Variants in COL14A1 observed in about 807,000 individuals in gnomAD.
COL14A1 encodes the protein collagen alpha-1(XIV) chain.
In COL14A1, 136 loss-of-function variants were observed where a neutral mutation model predicts 230.3. That is an observed-to-expected ratio of 0.59 (90% CI 0.51 to 0.68). COL14A1 has a LOEUF of 0.68. Ranked by LOEUF, COL14A1 falls within the 30% of genes least tolerant of loss-of-function variation. COL14A1 has a pLI of 0.00. For synonymous variants in COL14A1, 792 were observed against 784.1 expected (o/e 1.01, Z -0.17); for missense variants, 1,976 against 2,215.8 (o/e 0.89, Z 2.17).
At chr8:120,194,035 G>A (rs1029183832) in intron 5 of COL14A1, among the ~76,000 whole-genome samples, 13 of 152,130 alleles carry the variant, frequency 8.5e-5, no homozygotes, top group South Asian at 4.1e-4. Flanking sequence ...GCTTCGGCTC[G>A]CGCACGGTGC....
intron 9 of COL14A1, among the ~76,000 whole-genome samples, chr8:120,204,608 A>G (rs952940691): frequency 2.8e-4 from 43 of 152,248 alleles, no homozygotes; most frequent in African/African-American, 7.2e-4. Context: ...GCCTTTGGCT[A>G]TGATGAATCA....
chr8:120,192,666 G>A (rs185917926), intron 5 of COL14A1, among the ~76,000 whole-genome samples: 127 of 152,098 alleles, frequency 8.3e-4, no homozygotes, highest in Middle Eastern at 3.4e-3. Flanking sequence ...CATTCTCCCC[G>A]TCACTTTCAG....
At chr8:120,142,879 G>A (rs564465185) in intron 1 of COL14A1, among the ~76,000 whole-genome samples, 8 of 152,092 alleles carry the variant, frequency 5.3e-5, no homozygotes, top group Non-Finnish European at 1.0e-4. Flanking sequence ...ATGGTTGCTT[G>A]AAGGAAATAT....
chr8:120,227,057 AG>A (rs1307879623), intron 16 of COL14A1, among the ~76,000 whole-genome samples, 162 bp from the exon 17 acceptor site: 1 of 152,160 alleles, frequency 6.6e-6, no homozygotes, highest in Non-Finnish European at 1.5e-5. Flanking sequence ...TTATTTGCTG[AG>A]GGGATTGAAA....
At chr8:120,183,828 A>C (rs890765157) in intron 5 of COL14A1, among the ~76,000 whole-genome samples, 1 of 152,134 alleles carries the variant, frequency 6.6e-6, no homozygotes, top group African/African-American at 2.4e-5. Flanking sequence ...AGGCTTGTCC[A>C]TATTTTCTTT....
intron 42 of COL14A1, among the ~76,000 whole-genome samples, chr8:120,334,585 A>ACAC (rs113923173): frequency 0.018 from 2,596 of 144,698 alleles, 47 homozygotes; most frequent in African/African-American, 0.041. Flanking sequence ...CACACACAAA[A>ACAC]ACACACACAC....
intron 2 of COL14A1, 73 bp downstream of exon 2, chr8:120,148,003 A>T (rs1266105277): frequency 9.2e-7 from 1 of 1,092,344 alleles, no homozygotes; most frequent in African/African-American, 1.6e-5. Flanking sequence ...ATTTTATTTT[A>T]TTTATCCTAA....
chr8:120,320,237 A>G (rs1489442235), intron 40 of COL14A1, among the ~76,000 whole-genome samples: 4 of 152,208 alleles, frequency 2.6e-5, no homozygotes, highest in Non-Finnish European at 5.9e-5. Flanking sequence ...TAAAAATGTG[A>G]TTTTAGCTAA....
rs201573026 is a variant in COL14A1 at position 120,229,118 on chromosome 8, A to C, written c.2197+349A>C. Among the ~76,000 whole-genome samples the C allele has an allele frequency of 1.3e-4, 7 of 52,182 alleles. No homozygotes were observed. In the Admixed American group the frequency reaches 1.6e-3, roughly 12 times the overall value. The allele number at this position is 52,182 out of a possible 152,430, so 34.2% of individuals were successfully genotyped here. A position where few individuals can be genotyped will look rare whatever the true frequency, so the allele number is the denominator to read the frequency against. On this transcript the variant is annotated intron_variant, in intron 18 of 47. Coordinates refer to ENST00000297848, the MANE Select transcript of COL14A1 (RefSeq NM_021110.4). Reference sequence around the variant, plus strand: ...TATTTTATTTTATTTTATTTTATTTATTATTATTATACTTTAAGTTTTAGG... The same window carrying C: ...TATTTTATTTTATTTTATTTTATTTCTTATTATTATACTTTAAGTTTTAGG...
intron 45 of COL14A1, among the ~76,000 whole-genome samples, chr8:120,349,173 G>A (rs988204364): frequency 2.4e-4 from 37 of 152,070 alleles, no homozygotes; most frequent in African/African-American, 8.2e-4. Context: ...GCAGCTGAGG[G>A]TCCTGTCTGT....
Position 120,300,785 on chromosome 8 carries a change from C to T in COL14A1, c.4368C>T (p.Thr1456=). 1.9e-6 allele frequency: 3 copies of T among 1,613,594 alleles called. No homozygotes were observed. The highest frequency in any genetic ancestry group is 2.5e-6 in the Non-Finnish European group (3 of 1,179,684). The change falls in exon 36 of 48, where the codon ACC becomes ACT. Residue 1456 remains threonine (T), a synonymous_variant. Transcript: ENST00000297848. Reference sequence around the variant, plus strand: ...CCCATTCCTGCTCCTGTTCTGAAACCAATGAAGTGGCTCTGGGACCAGCGG... The same window carrying T: ...CCCATTCCTGCTCCTGTTCTGAAACTAATGAAGTGGCTCTGGGACCAGCGG... ...DLPHSCSCSE[T]NEVALGPAGP...
intron 5 of COL14A1, among the ~76,000 whole-genome samples, chr8:120,184,224 GATTT>G (rs10689956): frequency 0.075 from 10,163 of 135,494 alleles, 478 homozygotes; most frequent in African/African-American, 0.13. Flanking sequence ...GGGGGGAAGA[GATTT>G]ATTTATTTAT....
intron 3 of COL14A1, among the ~76,000 whole-genome samples, chr8:120,161,349 G>A (rs983476660): frequency 1.3e-5 from 2 of 152,112 alleles, no homozygotes; most frequent in East Asian, 3.8e-4. Context: ...ATAATTGCAG[G>A]CAAAAATTAG....
chr8:120,341,018 T>C (rs1169963233), intron 42 of COL14A1, among the ~76,000 whole-genome samples: 1 of 152,126 alleles, frequency 6.6e-6, no homozygotes, highest in Non-Finnish European at 1.5e-5. Flanking sequence ...GGTGGAAAGA[T>C]GCAAAGGACC....
At chr8:120,193,493 A>C (rs1224242465) in intron 5 of COL14A1, among the ~76,000 whole-genome samples, 1 of 152,192 alleles carries the variant, frequency 6.6e-6, no homozygotes, top group Non-Finnish European at 1.5e-5. Context: ...CTTGGGGGTC[A>C]GCGGTCAGGG....
Position 120,332,686 on chromosome 8 carries a change from T to C in COL14A1, c.4736T>C (p.Val1579Ala), listed in dbSNP as rs781061488. The C allele has an allele frequency of 4.0e-5, 64 of 1,612,904 alleles. No homozygotes were observed. Among genetic ancestry groups the C allele is most frequent in the Non-Finnish European group, 5.3e-5 (62 of 1,179,396 alleles). Residue 1579 changes from valine (V) to alanine (A), a missense_variant, in exon 42 of 48, where the codon GTC (valine) becomes GCC (alanine). Around this residue, in one of 3 missense-constraint regions of COL14A1, gnomAD observed 1,791 missense variants for 2,019.5 expected, o/e 0.89. Transcript: ENST00000297848. The part of the protein sequence containing the change: ...GPIGIPGTPG[V>A]PGITGSMGPQ... ...TAGGGCATTCCTGGCACCCCTGGAG[T>C]CCCAGGGATCACAGGAAGCATGGGA...
rs150370908 is a variant in COL14A1, at chr8:120,359,744, A to G, written c.5078-7427A>G. ...TGTCAGCGGCAAAACTGGGTGAACA[A>G]AAAGCCCGGATTCCTGATGCCTGAT... is the stretch of plus-strand genomic sequence containing the variant. On this transcript the variant is annotated intron_variant, in intron 45 of 47. Transcript: ENST00000297848. Among the ~76,000 whole-genome samples the G allele has an allele frequency of 4.4e-3, 668 of 152,300 alleles. 4 individuals carry two copies. The highest frequency in any genetic ancestry group is 0.015 in the African/African-American group (623 of 41,552).
At chr8:120,331,725 A>C (rs191310769) in intron 40 of COL14A1, among the ~76,000 whole-genome samples, 36 of 152,334 alleles carry the variant, frequency 2.4e-4, no homozygotes, top group Admixed American at 6.5e-4. Flanking sequence ...CCGATATTGT[A>C]GTACTCCTAA....
At chr8:120,300,969 A>T (rs1820692404) in intron 36 of COL14A1, 151 bp downstream of exon 36, 2 of 663,152 alleles carry the variant, frequency 3.0e-6, no homozygotes, top group Non-Finnish European at 5.1e-6. Flanking sequence ...AAGTAACTTG[A>T]TTAAAGAACA....
Sources: allele counts gnomAD v4.1 joint callset (sites outside exome capture counted in the v4.1 genomes callset), GRCh38; gene constraint gnomAD v4.1.1; regional missense constraint gnomAD v4.1.1; transcripts MANE v1.5; gene names NCBI Gene and HGNC (gene_info 2026-07-23, HGNC 2026-07-21).